The following SELENOK variants were observed in gnomAD, a reference collection of about 807,000 sequenced individuals.
SELENOK encodes the protein selenoprotein K.
A neutral mutation model predicts 17.3 loss-of-function variants in SELENOK; 11 were observed. That is an observed-to-expected ratio of 0.63 (90% CI 0.40 to 1.05). SELENOK has a LOEUF of 1.05. Ranked by LOEUF, SELENOK falls within the 50% of genes least tolerant of loss-of-function variation. The pLI is 0.00. For synonymous variants in SELENOK, 45 were observed against 35.4 expected, an observed-to-expected ratio of 1.27 and a Z score of -0.97; for missense variants, 125 against 113.9, an observed-to-expected ratio of 1.10 and a Z score of -0.44.
In SELENOK at chr3:53,885,446, G is replaced by C; in HGVS notation, c.*112C>G. On this transcript the variant is annotated 3_prime_UTR_variant, in exon 5 of 5. Coordinates refer to ENST00000495461, the MANE Select transcript of SELENOK (RefSeq NM_021237.5). Reference sequence around the variant, plus strand: ...TCTGTGAGGACACAGAGCAGTCCTTGTTTAGACATACACATTCATCTACTG... The same window carrying C: ...TCTGTGAGGACACAGAGCAGTCCTTCTTTAGACATACACATTCATCTACTG... 9.5e-7 allele frequency: 1 copy of C among 1,056,644 alleles called. No individual in the cohort carries two copies. Among genetic ancestry groups the C allele is most frequent in the South Asian group, 1.4e-5 (1 of 69,514 alleles). The allele number at this position is 1,056,644 out of a possible 1,614,324, so 65.5% of individuals were successfully genotyped here.
At chr3:53,885,778 G>A in intron 4 of SELENOK, 48 bp downstream of exon 4, 1 of 1,422,844 alleles carries the variant, frequency 7.0e-7, no homozygotes, top group Non-Finnish European at 9.7e-7. Flanking sequence ...TACTACAGAA[G>A]TGTTTTCAAA....
At chr3:53,886,795 C>G in intron 3 of SELENOK, 56 bp downstream of exon 3, 1 of 1,055,564 alleles carries the variant, frequency 9.5e-7, no homozygotes, top group Non-Finnish European at 1.3e-6. Flanking sequence ...CCTAAAATAT[C>G]TAATAAAGGT....
Position 53,885,766 on chromosome 3 carries a change from A to G in SELENOK, c.281+60T>C, listed in dbSNP as rs536847473. 9 of 1,371,452 alleles carry G rather than the reference A, an allele frequency of 6.6e-6. No homozygotes were observed. In the Admixed American group the frequency reaches 1.2e-4, roughly 19 times the overall value. 85.0% of individuals were successfully genotyped at this position (1,371,452 alleles called of 1,614,324 possible). On this transcript the variant is annotated intron_variant, in intron 4 of 4. Transcript: ENST00000495461. ...TGCTGGGCAACTTCTTAAAGAAAAC[A>G]TTACTACAGAAGTGTTTTCAAAACA...
intron 4 of SELENOK, 91 bp from the exon 5 acceptor site, chr3:53,885,652 C>G: frequency 7.2e-7 from 1 of 1,390,266 alleles, no homozygotes; most frequent in East Asian, 2.3e-5. Flanking sequence ...AAATCTTTCT[C>G]AAAAGACATT....
chr3:53,887,011 ATCATC>A, intron 2 of SELENOK, 77 bp from the exon 3 acceptor site: 1 of 1,178,624 alleles, frequency 8.5e-7, no homozygotes, highest in Non-Finnish European at 1.2e-6. Context: ...TTTTTTAACC[ATCATC>A]TCTGTGAGAG....
intron 2 of SELENOK, chr3:53,888,127 A>G: frequency 3.6e-6 from 1 of 275,696 alleles, no homozygotes; most frequent in East Asian, 7.5e-5. Flanking sequence ...GAATTGACGG[A>G]CCCAGCCATA....
At chr3:53,886,265 T>G (rs1700124958) in intron 3 of SELENOK, among the ~76,000 whole-genome samples, 1 of 151,698 alleles carries the variant, frequency 6.6e-6, no homozygotes, top group Non-Finnish European at 1.5e-5. Flanking sequence ...TGAGATGGAG[T>G]CCCACTCTGT....
At position 53,885,512 on chromosome 3, in the gene SELENOK, T is replaced by C; in HGVS notation, c.*46A>G. 1 of 1,595,270 alleles carries C rather than the reference T, an allele frequency of 6.3e-7. No individual in the cohort carries two copies. Among genetic ancestry groups the C allele is most frequent in the Non-Finnish European group, 8.6e-7 (1 of 1,169,496 alleles). ...CTTCCACTTCTTGATGGTTTCCTTCTGCTATGAATGCGCATGTCCGGTTGT... is the reference window on the plus strand; with the variant it reads ...CTTCCACTTCTTGATGGTTTCCTTCCGCTATGAATGCGCATGTCCGGTTGT... On this transcript the variant is annotated 3_prime_UTR_variant, in exon 5 of 5. Coordinates refer to ENST00000495461, the MANE Select transcript of SELENOK (RefSeq NM_021237.5).
intron 2 of SELENOK, 123 bp from the exon 3 acceptor site, chr3:53,887,057 C>T (rs965611703): frequency 1.4e-6 from 1 of 693,264 alleles, no homozygotes; most frequent in African/African-American, 1.8e-5. Context: ...TCCTAACCCA[C>T]ATTTCTTGCA....
chr3:53,891,519 C>A (rs1358504557), intron 1 of SELENOK, among the ~76,000 whole-genome samples: 2 of 152,150 alleles, frequency 1.3e-5, no homozygotes, highest in African/African-American at 4.8e-5. Flanking sequence ...GCTTGCTGCA[C>A]GAAGGCGGGG....
chr3:53,891,810 G>T lies in SELENOK; in HGVS notation c.-22C>A, dbSNP rs778256279. The T allele has an allele frequency of 5.6e-6, 9 of 1,613,904 alleles. No homozygotes were observed. The East Asian group carries it at 1.1e-4, about 20-fold the overall frequency. ...CCATCTTGTCCCACTTCCCCGCTTC[G>T]GAGCCACCGGGCGCCTGGCCCCTGT... On this transcript the variant is annotated 5_prime_UTR_variant, in exon 1 of 5. Transcript: ENST00000495461.
chr3:53,888,558 G>A (rs999016592), intron 1 of SELENOK, 75 bp from the exon 2 acceptor site: 8 of 999,496 alleles, frequency 8.0e-6, no homozygotes, highest in South Asian at 2.7e-5. Flanking sequence ...TTTAATTATT[G>A]AGGTAACAAT....
chr3:53,891,200 T>C (rs1336103014), intron 1 of SELENOK: 1 of 152,586 alleles, frequency 6.6e-6, no homozygotes, highest in Non-Finnish European at 1.5e-5. Context: ...TCGGTCTTTT[T>C]ACACGTTGTA....
chr3:53,885,523 C>T lies in SELENOK; in HGVS notation c.*35G>A, dbSNP rs540505065. 4.4e-6 allele frequency: 7 copies of T among 1,602,906 alleles called. No individual in the cohort carries two copies. The highest frequency in any genetic ancestry group is 3.4e-5 in the South Asian group (3 of 89,230). ...TGATGGTTTCCTTCTGCTATGAATG[C>T]GCATGTCCGGTTGTCTGCTTCTTAG... On this transcript the variant is annotated 3_prime_UTR_variant, in exon 5 of 5. Transcript: ENST00000495461.
intron 1 of SELENOK, among the ~76,000 whole-genome samples, chr3:53,891,462 C>G (rs1700168276): frequency 1.3e-5 from 2 of 152,172 alleles, no homozygotes; most frequent in South Asian, 4.1e-4. Flanking sequence ...TTAAGGATAC[C>G]GACACCCGAG....
rs1483071671 is a variant in SELENOK, at chr3:53,891,624, C to A, written c.19+146G>T. 5.0e-6 allele frequency: 5 copies of A among 1,007,194 alleles called. No individual in the cohort carries two copies. The African/African-American group carries it at 8.2e-5, about 16-fold the overall frequency. 62.4% of individuals were successfully genotyped at this position (1,007,194 alleles called of 1,614,324 possible). On this transcript the variant is annotated intron_variant, in intron 1 of 4. Transcript: ENST00000495461. The stretch of plus-strand genomic sequence containing the variant: ...TCGGCTGACGCGCCGCAAGCCGAGG[C>A]GACTTCGGTCCAGCTCCGCCCGGCC...
At chr3:53,886,052 T>G (rs1414985451) in intron 3 of SELENOK, 140 bp from the exon 4 acceptor site, 1 of 591,570 alleles carries the variant, frequency 1.7e-6, no homozygotes, top group East Asian at 3.4e-5. Context: ...AACTACCATT[T>G]TAGGTCAGGA....
At chr3:53,889,046 G>GA (rs146836092) in intron 1 of SELENOK, among the ~76,000 whole-genome samples, 50 of 139,120 alleles carry the variant, frequency 3.6e-4, no homozygotes, top group Admixed American at 4.3e-4. Context: ...GACAGAGCAA[G>GA]AAAAAAAAAA....
chr3:53,885,700 T>C, intron 4 of SELENOK, 126 bp downstream of exon 4: 2 of 1,211,570 alleles, frequency 1.7e-6, no homozygotes, highest in Non-Finnish European at 2.4e-6. Flanking sequence ...AGGGTTAAGA[T>C]AACAAATATA....
Sources: gnomAD v4.1 joint callset for allele counts (sites outside exome capture counted in the v4.1 genomes callset) on GRCh38, gnomAD v4.1.1 for gene constraint, MANE v1.5 for transcripts, NCBI Gene and HGNC (gene_info 2026-07-23, HGNC 2026-07-21) for gene names.